The following CSNK1G3 variants were observed in gnomAD, a reference collection of about 807,000 sequenced individuals.
The protein encoded by CSNK1G3 is casein kinase I isoform gamma-3.
Under a neutral mutation model 64.3 loss-of-function variants are expected in CSNK1G3, and 23 were observed. The observed-to-expected ratio is 0.36, with a 90% CI of 0.26 to 0.51. CSNK1G3 has a LOEUF of 0.51. Ranked by LOEUF, CSNK1G3 falls within the 20% of genes least tolerant of loss-of-function variation. The probability of loss-of-function intolerance (pLI) is 0.96; values close to 1 mark genes in which losing one functional copy is unlikely to be tolerated. For missense variants in CSNK1G3, 357 were observed against 510.5 expected, an observed-to-expected ratio of 0.70 and a Z score of 2.90; for synonymous variants, 158 against 162.2, an observed-to-expected ratio of 0.97 and a Z score of 0.20.
intron 1 of CSNK1G3, among the ~76,000 whole-genome samples, chr5:123,543,598 A>T (rs1311764470): frequency 2.6e-5 from 4 of 152,132 alleles, no homozygotes; most frequent in Admixed American, 2.6e-4. Context: ...ATCTGTGATC[A>T]CTGTGTGTTG....
At chr5:123,611,353 G>T (rs1796301744) in intron 12 of CSNK1G3, among the ~76,000 whole-genome samples, 1 of 152,134 alleles carries the variant, frequency 6.6e-6, no homozygotes, top group Admixed American at 6.6e-5. Flanking sequence ...TCTTTATAAG[G>T]ACGTTCTTTA....
chr5:123,529,081 C>G (rs1008536459), intron 1 of CSNK1G3, among the ~76,000 whole-genome samples: 2 of 152,096 alleles, frequency 1.3e-5, no homozygotes, highest in African/African-American at 4.8e-5. Context: ...CCTAGTGGTC[C>G]TAAGTGCAAG....
At chr5:123,559,882 C>T (rs543015226) in intron 4 of CSNK1G3, among the ~76,000 whole-genome samples, 15 of 152,038 alleles carry the variant, frequency 9.9e-5, no homozygotes, top group Middle Eastern at 3.4e-3. Context: ...TAATTATAAA[C>T]GGGCTATTTA....
At chr5:123,513,171 G>A (rs1331968546) in intron 1 of CSNK1G3, among the ~76,000 whole-genome samples, 1 of 152,184 alleles carries the variant, frequency 6.6e-6, no homozygotes, top group African/African-American at 2.4e-5. Context: ...CAAGACATTA[G>A]TCAAAGGTTA....
At chr5:123,544,168 A>G (rs1782158340) in intron 1 of CSNK1G3, among the ~76,000 whole-genome samples, 1 of 152,276 alleles carries the variant, frequency 6.6e-6, no homozygotes, top group East Asian at 1.9e-4. Context: ...AGTACTGCAC[A>G]TAGCCCTCTC....
chr5:123,563,391 T>C (rs1227907439), intron 4 of CSNK1G3, among the ~76,000 whole-genome samples: 1 of 151,942 alleles, frequency 6.6e-6, no homozygotes, highest in East Asian at 1.9e-4. Flanking sequence ...TTTTAAAAGG[T>C]GTTTGAAAAG....
At chr5:123,517,053 G>T (rs1777297343) in intron 1 of CSNK1G3, among the ~76,000 whole-genome samples, 1 of 152,186 alleles carries the variant, frequency 6.6e-6, no homozygotes, top group Non-Finnish European at 1.5e-5. Context: ...TAGGCACTGT[G>T]TAAATCTTCT....
At chr5:123,515,415 C>G (rs1384881135) in intron 1 of CSNK1G3, among the ~76,000 whole-genome samples, 1 of 152,014 alleles carries the variant, frequency 6.6e-6, no homozygotes, top group African/African-American at 2.4e-5. Context: ...GTGAGATTTG[C>G]TGTGGATGAG....
At chr5:123,560,625 A>G (rs1466386203) in intron 4 of CSNK1G3, among the ~76,000 whole-genome samples, 7 of 152,230 alleles carry the variant, frequency 4.6e-5, no homozygotes, top group Admixed American at 4.6e-4. Context: ...AGGTGGGAGC[A>G]TCGCTTGAGC....
At chr5:123,548,758 A>G (rs1041102463) in intron 2 of CSNK1G3, among the ~76,000 whole-genome samples, 1 of 151,982 alleles carries the variant, frequency 6.6e-6, no homozygotes, top group South Asian at 2.1e-4. Context: ...AAAAAATGAT[A>G]ATAAGGAAGG....
Position 123,565,377 on chromosome 5 carries a change from G to A in CSNK1G3, c.289+7813G>A, listed in dbSNP as rs535102863. On this transcript the variant is annotated intron_variant, in intron 4 of 12. Coordinates refer to ENST00000345990, the Ensembl canonical transcript of CSNK1G3. ...CATGTTGAAAACTGTTGATCTAGGAGTATAAGCATTTGTGCTAAAGGTTAA... is the reference window on the plus strand; with the variant it reads ...CATGTTGAAAACTGTTGATCTAGGAATATAAGCATTTGTGCTAAAGGTTAA... 7.5e-4 allele frequency among the ~76,000 whole-genome samples: 114 copies of A among 152,252 alleles called. 1 individual carries two copies. Among genetic ancestry groups the A allele is most frequent in the Middle Eastern group, 6.8e-3 (2 of 294 alleles).
chr5:123,563,926 A>G (rs1443088997), intron 4 of CSNK1G3, among the ~76,000 whole-genome samples: 2 of 152,098 alleles, frequency 1.3e-5, no homozygotes, highest in African/African-American at 2.4e-5. Flanking sequence ...ACTTAATCTC[A>G]GCCCAGGTAA....
intron 12 of CSNK1G3, among the ~76,000 whole-genome samples, chr5:123,612,340 A>G (rs990457503): frequency 6.6e-6 from 1 of 152,214 alleles, no homozygotes; most frequent in Non-Finnish European, 1.5e-5. Context: ...TTGACTAAAG[A>G]TAATGTGGGT....
intron 1 of CSNK1G3, among the ~76,000 whole-genome samples, chr5:123,525,314 ATTT>A (rs374117552): frequency 3.0e-5 from 4 of 133,984 alleles, no homozygotes; most frequent in Admixed American, 1.5e-4. Context: ...AGTTGTTTGC[ATTT>A]TTTTTTTTTT....
At chr5:123,554,613 C>T (rs1418665623) in intron 3 of CSNK1G3, among the ~76,000 whole-genome samples, 1 of 152,216 alleles carries the variant, frequency 6.6e-6, no homozygotes, top group African/African-American at 2.4e-5. Flanking sequence ...AGGCGTGAGC[C>T]ACTGTGCCCA....
At chr5:123,604,685 T>C (rs751188127) in intron 10 of CSNK1G3, 39 bp from the exon 12 acceptor site, 1 of 1,034,536 alleles carries the variant, frequency 9.7e-7, no homozygotes, top group South Asian at 1.4e-5. Context: ...AGCATGTGTG[T>C]GTACATATAC....
At chr5:123,530,388 A>C (rs1395836881) in intron 1 of CSNK1G3, among the ~76,000 whole-genome samples, 1 of 152,190 alleles carries the variant, frequency 6.6e-6, no homozygotes, top group East Asian at 1.9e-4. Flanking sequence ...TGATTATAAT[A>C]TAGTATGTTT....
intron 6 of CSNK1G3, among the ~76,000 whole-genome samples, chr5:123,585,897 G>T (rs1298579848): frequency 6.6e-6 from 1 of 152,112 alleles, no homozygotes. Context: ...TTTTTATAAA[G>T]TTAAACCTAT....
chr5:123,560,387 T>G (rs1311315202), intron 4 of CSNK1G3, among the ~76,000 whole-genome samples: 1 of 152,182 alleles, frequency 6.6e-6, no homozygotes, highest in East Asian at 1.9e-4. Context: ...ATAAAATAAT[T>G]GAGAGCATGA....
Sources: allele counts gnomAD v4.1 joint callset (sites outside exome capture counted in the v4.1 genomes callset), GRCh38; gene constraint gnomAD v4.1.1; transcripts MANE v1.5; gene names NCBI Gene and HGNC (gene_info 2026-07-23, HGNC 2026-07-21).